The following RGS6 variants were observed in gnomAD, a reference collection of about 807,000 sequenced individuals.
The protein encoded by RGS6 is regulator of G protein signaling 6, also known as regulator of G-protein signaling 6.
In RGS6, 30 loss-of-function variants were observed where a neutral mutation model predicts 78.5. The observed-to-expected ratio is 0.38, with a 90% CI of 0.29 to 0.52. The LOEUF (loss-of-function observed/expected upper bound fraction) is 0.52. Ranked by LOEUF, RGS6 falls within the 20% of genes least tolerant of loss-of-function variation. The probability of loss-of-function intolerance (pLI) is 0.85; values close to 1 mark genes in which losing one functional copy is unlikely to be tolerated. For synonymous variants in RGS6, 206 were observed against 206.0 expected, an observed-to-expected ratio of 1.00 and a Z score of 0.00; for missense variants, 495 against 609.7, an observed-to-expected ratio of 0.81 and a Z score of 1.98.
chr14:72,587,081 G>A, the RGS6 span, among the ~76,000 whole-genome samples: 12 of 152,176 alleles, frequency 7.9e-5, no homozygotes, highest in Non-Finnish European at 1.3e-4. Flanking sequence ...TTGTCTCCAA[G>A]CATGGTTTTC....
intron 2 of RGS6, among the ~76,000 whole-genome samples, chr14:72,215,902 T>C (rs1270347442): frequency 6.6e-6 from 1 of 152,242 alleles, no homozygotes; most frequent in African/African-American, 2.4e-5. Flanking sequence ...TAAGAGAAGT[T>C]ACTATTTATT....
chr14:72,624,386 T>C, the RGS6 span, among the ~76,000 whole-genome samples: 1 of 132,686 alleles, frequency 7.5e-6, no homozygotes, highest in Non-Finnish European at 1.6e-5. Context: ...TTGCCCAAAC[T>C]GGAGTGCAGT....
the RGS6 span, among the ~76,000 whole-genome samples, chr14:72,605,169 T>A: frequency 6.6e-5 from 10 of 152,182 alleles, no homozygotes; most frequent in Admixed American, 5.2e-4. Context: ...CTCCATGCTG[T>A]GGGCACGTTT....
chr14:71,949,769 A>G (rs1020132499), intron 1 of RGS6, among the ~76,000 whole-genome samples: 1 of 145,334 alleles, frequency 6.9e-6, no homozygotes, highest in African/African-American at 2.5e-5. Flanking sequence ...GTTTTAATTT[A>G]TAGAAGCTCT....
At chr14:72,147,760 GA>G (rs1448761076) in intron 2 of RGS6, among the ~76,000 whole-genome samples, 1 of 152,320 alleles carries the variant, frequency 6.6e-6, no homozygotes, top group African/African-American at 2.4e-5. Context: ...AGAGGGCAAG[GA>G]AGAGTACAGG....
chr14:71,891,104 G>T, the RGS6 span, among the ~76,000 whole-genome samples: 1 of 152,198 alleles, frequency 6.6e-6, no homozygotes, highest in African/African-American at 2.4e-5. Flanking sequence ...CAGTTTCCCA[G>T]TCTAATTTTT....
At chr14:72,417,598 A>C (rs1022893358) in intron 3 of RGS6, among the ~76,000 whole-genome samples, 2 of 152,228 alleles carry the variant, frequency 1.3e-5, no homozygotes, top group African/African-American at 4.8e-5. Flanking sequence ...GGAGAACCGC[A>C]TGGGCTCCGC....
chr14:72,038,995 G>C (rs1185024783), intron 2 of RGS6, among the ~76,000 whole-genome samples: 1 of 152,166 alleles, frequency 6.6e-6, no homozygotes, highest in Non-Finnish European at 1.5e-5. Flanking sequence ...TTCACAGGAG[G>C]AAAGCATTCA....
At chr14:71,944,560 G>A (rs953437515) in intron 1 of RGS6, among the ~76,000 whole-genome samples, 1 of 152,176 alleles carries the variant, frequency 6.6e-6, no homozygotes, top group African/African-American at 2.4e-5. Context: ...AAAAAATGCA[G>A]GGGATTTTGT....
chr14:72,152,619 G>A (rs2096711239), intron 2 of RGS6, among the ~76,000 whole-genome samples: 1 of 152,158 alleles, frequency 6.6e-6, no homozygotes, highest in Non-Finnish European at 1.5e-5. Flanking sequence ...GATATGTCAG[G>A]TCAAGTACAC....
chr14:72,590,211 CTT>C, the RGS6 span, among the ~76,000 whole-genome samples: 1 of 152,240 alleles, frequency 6.6e-6, no homozygotes, highest in East Asian at 1.9e-4. Context: ...AGTCCAATGA[CTT>C]TGGAGAAGAG....
chr14:72,180,929 A>G (rs2097166177), intron 2 of RGS6, among the ~76,000 whole-genome samples: 1 of 152,228 alleles, frequency 6.6e-6, no homozygotes, highest in African/African-American at 2.4e-5. Context: ...ACTGTGAGAA[A>G]TAAATTTCTT....
chr14:72,378,136 G>A (rs1324513536), intron 3 of RGS6, among the ~76,000 whole-genome samples: 1 of 152,140 alleles, frequency 6.6e-6, no homozygotes, highest in African/African-American at 2.4e-5. Context: ...AATTTAAAGT[G>A]AAATTTAAAA....
chr14:72,437,440 TCTC>T (rs2094982112), intron 3 of RGS6, among the ~76,000 whole-genome samples: 1 of 151,894 alleles, frequency 6.6e-6, no homozygotes, highest in Admixed American at 6.6e-5. Flanking sequence ...CATTCAGCTC[TCTC>T]CTCATTCATT....
At chr14:72,032,838 A>G (rs2091119286) in intron 2 of RGS6, among the ~76,000 whole-genome samples, 1 of 152,216 alleles carries the variant, frequency 6.6e-6, no homozygotes, top group African/African-American at 2.4e-5. Context: ...TGTATATCAA[A>G]TTTTAAAATC....
the RGS6 span, among the ~76,000 whole-genome samples, chr14:72,579,667 C>T: frequency 2.0e-5 from 3 of 152,194 alleles, no homozygotes; most frequent in Non-Finnish European, 4.4e-5. Context: ...GCTCAACACT[C>T]ACCAATTTGA....
chr14:72,186,536 A>G (rs775173396), intron 2 of RGS6, among the ~76,000 whole-genome samples: 1 of 152,150 alleles, frequency 6.6e-6, no homozygotes, highest in Non-Finnish European at 1.5e-5. Flanking sequence ...TAATTGGCCA[A>G]CTTTGAGTGT....
chr14:72,574,723 C>A, the RGS6 span, among the ~76,000 whole-genome samples: 1 of 152,146 alleles, frequency 6.6e-6, no homozygotes, highest in Non-Finnish European at 1.5e-5. Context: ...AAGGGAAACT[C>A]ATTTGCCCTA....
intron 6 of RGS6, 123 bp downstream of exon 6, chr14:72,459,806 G>A: frequency 1.1e-6 from 1 of 923,112 alleles, no homozygotes; most frequent in South Asian, 1.4e-5. Context: ...TTTCTGCTTA[G>A]TCCTTTCTCA....
Sources: gnomAD v4.1 joint callset for allele counts (sites outside exome capture counted in the v4.1 genomes callset) on GRCh38, gnomAD v4.1.1 for gene constraint, MANE v1.5 for transcripts, NCBI Gene and HGNC (gene_info 2026-07-23, HGNC 2026-07-21) for gene names.